The following LYRM7 variants were observed in gnomAD, a reference collection of about 807,000 sequenced individuals.
The protein encoded by LYRM7 is complex III assembly factor LYRM7.
In LYRM7, 9 loss-of-function variants were observed where a neutral mutation model predicts 15.8. The observed-to-expected ratio is 0.57, with a 90% CI of 0.34 to 0.99. The LOEUF (loss-of-function observed/expected upper bound fraction) is 0.99. LYRM7 is among the 50% of genes least tolerant of loss of function. LYRM7 has a pLI of 0.02. For missense variants in LYRM7, 115 were observed against 119.1 expected (o/e 0.97, Z 0.16); for synonymous variants, 39 against 39.4 (o/e 0.99, Z 0.04).
rs1561550390 is a variant in LYRM7, at chr5:131,200,149, G to A, written c.*548G>A. ...TACAGTTTCTTTTTAGAGATAGAGA[G>A]TATCTCTGTGTTCTTATGAAGACAT... On this transcript the variant is annotated 3_prime_UTR_variant, in exon 5 of 5. Coordinates refer to ENST00000379380, the MANE Select transcript of LYRM7 (RefSeq NM_181705.4). 6.6e-6 allele frequency: 1 copy of A among 152,276 alleles called. No homozygotes were observed. Among genetic ancestry groups the A allele is most frequent in the Non-Finnish European group, 1.5e-5 (1 of 68,012 alleles). 9.4% of individuals were successfully genotyped at this position (152,276 alleles called of 1,614,324 possible).
At chr5:131,182,732 G>C (rs1439464587) in intron 3 of LYRM7, among the ~76,000 whole-genome samples, 1 of 152,134 alleles carries the variant, frequency 6.6e-6, no homozygotes, top group African/African-American at 2.4e-5. Context: ...AACTATTCTT[G>C]CTTTGCTTTC....
intron 1 of LYRM7, among the ~76,000 whole-genome samples, chr5:131,174,003 T>C (rs2149658766): frequency 6.6e-6 from 1 of 152,368 alleles, no homozygotes; most frequent in Admixed American, 6.5e-5. Context: ...AAGATTTATC[T>C]GTAGCATGCA....
intron 2 of LYRM7, among the ~76,000 whole-genome samples, chr5:131,181,320 C>T (rs57137815): frequency 0.22 from 8,751 of 39,420 alleles, 1,268 homozygotes; most frequent in African/African-American, 0.32. Flanking sequence ...TATATATACA[C>T]ACACACACAC....
At chr5:131,188,732 A>C (rs529061584) in intron 4 of LYRM7, among the ~76,000 whole-genome samples, 8 of 152,288 alleles carry the variant, frequency 5.3e-5, no homozygotes, top group African/African-American at 1.9e-4. Context: ...TTCTGTGAGA[A>C]GTTCTTAATG....
At chr5:131,179,944 A>ATT in intron 1 of LYRM7, 151 bp from the exon 2 acceptor site, 11 of 453,824 alleles carry the variant, frequency 2.4e-5, no homozygotes, top group East Asian at 4.2e-5. Context: ...TCAAAAAAAA[A>ATT]TTTTTTTTTT....
chr5:131,182,300 G>A lies in LYRM7; in HGVS notation c.162+1G>A, dbSNP rs573476169. 3 of 1,392,568 alleles carry A rather than the reference G, an allele frequency of 2.2e-6. No homozygotes were observed. Among genetic ancestry groups the A allele is most frequent in the Non-Finnish European group, 2.9e-6 (3 of 1,033,842 alleles). The allele number at this position is 1,392,568 out of a possible 1,614,324, so 86.3% of individuals were successfully genotyped here. The stretch of plus-strand genomic sequence containing the variant: ...AACTTCTTCTAAGAAAATAGAAGAG[G>A]TACAGTAATTTTTTCAATTATAGTA... On this transcript the variant is annotated splice_donor_variant, in intron 3 of 4. Coordinates refer to ENST00000379380, the MANE Select transcript of LYRM7 (RefSeq NM_181705.4). LOFTEE classifies it high-confidence loss of function.
chr5:131,187,584 A>G (rs892567993), intron 4 of LYRM7, among the ~76,000 whole-genome samples: 2 of 151,874 alleles, frequency 1.3e-5, no homozygotes, highest in Admixed American at 1.3e-4. Flanking sequence ...TCCTGGGTTC[A>G]AGCATTTCTC....
At chr5:131,199,418 T>G (rs1756021544) in intron 4 of LYRM7, 113 bp from the exon 5 acceptor site, 1 of 668,938 alleles carries the variant, frequency 1.5e-6, no homozygotes, top group Non-Finnish European at 2.4e-6. Flanking sequence ...CCTGGAAGAT[T>G]TATCTTAAAA....
At chr5:131,184,646 G>C (rs984949224) in intron 3 of LYRM7, among the ~76,000 whole-genome samples, 10 of 144,412 alleles carry the variant, frequency 6.9e-5, no homozygotes, top group Admixed American at 5.3e-4. Context: ...TTGGCGGGGG[G>C]GGGGTTCCAG....
At chr5:131,191,441 A>G (rs1397267068) in intron 4 of LYRM7, among the ~76,000 whole-genome samples, 1 of 152,158 alleles carries the variant, frequency 6.6e-6, no homozygotes, top group East Asian at 1.9e-4. Flanking sequence ...CTTCATTTGG[A>G]AGAGTAATCA....
At chr5:131,185,378 C>G (rs1276671676) in intron 3 of LYRM7, among the ~76,000 whole-genome samples, 4 of 152,162 alleles carry the variant, frequency 2.6e-5, no homozygotes, top group Admixed American at 6.6e-5. Context: ...AGTTTCCTCA[C>G]TTAGGGTTTT....
At chr5:131,191,407 G>A (rs1755884564) in intron 4 of LYRM7, among the ~76,000 whole-genome samples, 1 of 152,002 alleles carries the variant, frequency 6.6e-6, no homozygotes, top group African/African-American at 2.4e-5. Flanking sequence ...AAAAATAATA[G>A]AAATTGAAAG....
intron 1 of LYRM7, among the ~76,000 whole-genome samples, chr5:131,179,714 T>C (rs941774322): frequency 1.3e-5 from 2 of 151,990 alleles, no homozygotes; most frequent in Non-Finnish European, 2.9e-5. Context: ...GGCGGGTGGA[T>C]CACCTGAGGT....
rs1195878324 is a variant in LYRM7, at chr5:131,181,275, G to GAA, written c.92-927_92-926dup. ...TGGGCGACAAAGCAAGACTCCATCT[G>GAA]AAAAAAAAAAAAAAAAAAAAAAAAA... is the stretch of plus-strand genomic sequence containing the variant. On this transcript the variant is annotated intron_variant, in intron 2 of 4. Coordinates refer to ENST00000379380, the MANE Select transcript of LYRM7 (RefSeq NM_181705.4). 2.9e-3 allele frequency among the ~76,000 whole-genome samples: 24 copies of GAA among 8,338 alleles called. 6 individuals carry two copies. Among genetic ancestry groups the GAA allele is most frequent in the Non-Finnish European group, 4.1e-3 (15 of 3,620 alleles). The allele number at this position is 8,338 out of a possible 152,430, so 5.5% of individuals were successfully genotyped here.
At chr5:131,176,733 C>T (rs1040365805) in intron 1 of LYRM7, among the ~76,000 whole-genome samples, 3 of 151,644 alleles carry the variant, frequency 2.0e-5, no homozygotes, top group Admixed American at 2.0e-4. Context: ...CTATCCTCCT[C>T]CCTTTTGGCG....
intron 2 of LYRM7, among the ~76,000 whole-genome samples, chr5:131,181,648 C>T (rs1476515743): frequency 7.3e-5 from 11 of 151,394 alleles, no homozygotes. Context: ...CCATTAAACG[C>T]TCACAGCAGC....
At chr5:131,181,458 T>C (rs911247404) in intron 2 of LYRM7, among the ~76,000 whole-genome samples, 5 of 112,960 alleles carry the variant, frequency 4.4e-5, no homozygotes, top group Non-Finnish European at 8.1e-5. Flanking sequence ...ATATAAAACA[T>C]ATATATGTAT....
chr5:131,191,610 G>A (rs1445682774), intron 4 of LYRM7, among the ~76,000 whole-genome samples: 3 of 151,810 alleles, frequency 2.0e-5, no homozygotes, highest in Non-Finnish European at 4.4e-5. Flanking sequence ...TCTCTTAAAA[G>A]GAGACACACA....
chr5:131,197,846 C>CTGTGTGG (rs1755992126), intron 4 of LYRM7, among the ~76,000 whole-genome samples: 1 of 143,290 alleles, frequency 7.0e-6, no homozygotes, highest in African/African-American at 2.6e-5. Flanking sequence ...CATCTGGCCA[C>CTGTGTGG]TGTGTGTGTG....
Sources: gnomAD v4.1 joint callset for allele counts (sites outside exome capture counted in the v4.1 genomes callset) on GRCh38, gnomAD v4.1.1 for gene constraint, MANE v1.5 for transcripts, NCBI Gene and HGNC (gene_info 2026-07-23, HGNC 2026-07-21) for gene names.